Variants in MND1 observed in about 807,000 individuals in gnomAD.
MND1 encodes the protein meiotic nuclear division protein 1 homolog.
A neutral mutation model predicts 35.1 loss-of-function variants in MND1; 28 were observed. That is an observed-to-expected ratio of 0.80 (90% CI 0.59 to 1.09). MND1 has a LOEUF of 1.09. Among genes scored for constraint, MND1 ranks in the 50% least tolerant of loss-of-function variants. The probability of loss-of-function intolerance (pLI) is 0.00; values close to 1 mark genes in which losing one functional copy is unlikely to be tolerated. For synonymous variants in MND1, 69 were observed against 70.5 expected (o/e 0.98, Z 0.11); for missense variants, 213 against 239.6 (o/e 0.89, Z 0.73).
intron 2 of MND1, among the ~76,000 whole-genome samples, chr4:153,351,061 A>T (rs1773206632): frequency 1.3e-5 from 2 of 152,020 alleles, no homozygotes. Flanking sequence ...TATTATGATG[A>T]TGATATGGTT....
rs34815482 is a variant in MND1, at chr4:153,399,890, A to AT, written c.466+2585dup. On this transcript the variant is annotated intron_variant, in intron 6 of 7. Transcript: ENST00000240488. ...TGAAATTTTCTGTTTTTTCAGTGAG[A>AT]TTTTTTTTTTTTTTTTTTTTTTTTT... Among the ~76,000 whole-genome samples, 39 of 71,144 alleles carry AT rather than the reference A, an allele frequency of 5.5e-4. 4 individuals are homozygous for AT. Among genetic ancestry groups the AT allele is most frequent in the South Asian group, 2.0e-3 (4 of 1,996 alleles). The allele number at this position is 71,144 out of a possible 152,430, so 46.7% of individuals were successfully genotyped here. A position where few individuals can be genotyped will look rare whatever the true frequency, so the allele number is the denominator to read the frequency against.
chr4:153,385,249 A>C (rs955770288), intron 4 of MND1, among the ~76,000 whole-genome samples: 1 of 152,214 alleles, frequency 6.6e-6, no homozygotes, highest in African/African-American at 2.4e-5. Context: ...TTTAAATTTG[A>C]TATCTCCCGA....
intron 6 of MND1, among the ~76,000 whole-genome samples, chr4:153,403,723 C>T (rs1209233367): frequency 6.6e-6 from 1 of 151,998 alleles, no homozygotes; most frequent in African/African-American, 2.4e-5. Flanking sequence ...GCCTCAGCCT[C>T]CCAAGTAGCT....
intron 2 of MND1, 34 bp from the exon 3 acceptor site, chr4:153,355,620 G>T (rs73854672): frequency 7.4e-7 from 1 of 1,359,128 alleles, no homozygotes; most frequent in South Asian, 1.2e-5. Context: ...AAATAAACAC[G>T]TGCTTTTCAT....
At chr4:153,381,819 TC>T (rs1561068760) in intron 4 of MND1, 2 of 148,150 alleles carry the variant, frequency 1.3e-5, no homozygotes, top group African/African-American at 5.0e-5. Context: ...TTTTACCTGT[TC>T]CGTTTCCTAC....
chr4:153,413,984 C>A (rs1729763538), intron 7 of MND1, among the ~76,000 whole-genome samples: 2 of 152,110 alleles, frequency 1.3e-5, no homozygotes, highest in Non-Finnish European at 2.9e-5. Flanking sequence ...TGTTCTTAGT[C>A]TTAAGAGAAC....
chr4:153,374,421 A>G (rs1317277411), intron 4 of MND1, among the ~76,000 whole-genome samples: 1 of 152,202 alleles, frequency 6.6e-6, no homozygotes, highest in African/African-American at 2.4e-5. Context: ...AATACATGCC[A>G]GACTGCCTAA....
chr4:153,396,120 A>G (rs1729191113), intron 5 of MND1, among the ~76,000 whole-genome samples: 1 of 152,224 alleles, frequency 6.6e-6, no homozygotes, highest in Non-Finnish European at 1.5e-5. Context: ...AGCTGTGCTA[A>G]TACGATATAC....
intron 1 of MND1, among the ~76,000 whole-genome samples, chr4:153,346,113 G>A (rs74331438): frequency 0.029 from 4,420 of 152,276 alleles, 99 homozygotes; most frequent in South Asian, 0.13. Flanking sequence ...AATAAATTTA[G>A]TGTTGGTCAA....
At chr4:153,350,208 T>A (rs1228623467) in intron 2 of MND1, 79 bp downstream of exon 2, 2 of 1,018,400 alleles carry the variant, frequency 2.0e-6, no homozygotes, top group Admixed American at 2.1e-5. Flanking sequence ...AACTGTCCCC[T>A]CTTTGTTAAA....
At chr4:153,393,244 A>T (rs187237590) in intron 4 of MND1, among the ~76,000 whole-genome samples, 1,731 of 152,304 alleles carry the variant, frequency 0.011, 23 homozygotes, top group Non-Finnish European at 0.019. Context: ...ATAAGTGACA[A>T]ATTTATTATT....
intron 4 of MND1, among the ~76,000 whole-genome samples, chr4:153,386,352 C>G (rs1728864528): frequency 6.6e-6 from 1 of 151,450 alleles, no homozygotes; most frequent in Non-Finnish European, 1.5e-5. Flanking sequence ...ATTTAATTAG[C>G]CGGGTATGAT....
chr4:153,357,115 G>A (rs1773365710), intron 3 of MND1, among the ~76,000 whole-genome samples: 1 of 152,132 alleles, frequency 6.6e-6, no homozygotes, highest in Non-Finnish European at 1.5e-5. Context: ...GAGCCACCAT[G>A]CATATTTTAT....
chr4:153,368,435 C>A (rs1233014878), intron 4 of MND1, among the ~76,000 whole-genome samples: 2 of 152,162 alleles, frequency 1.3e-5, no homozygotes, highest in Non-Finnish European at 2.9e-5. Flanking sequence ...GTGTGTCTTA[C>A]TAAAAAATAC....
chr4:153,363,717 C>T (rs965322415), intron 4 of MND1, among the ~76,000 whole-genome samples: 1 of 152,076 alleles, frequency 6.6e-6, no homozygotes, highest in African/African-American at 2.4e-5. Flanking sequence ...GTGGCATGAT[C>T]AGGAGTTCGG....
intron 1 of MND1, among the ~76,000 whole-genome samples, chr4:153,344,964 G>A (rs13137146): frequency 0.22 from 33,212 of 152,140 alleles, 3,683 homozygotes; most frequent in South Asian, 0.26. Flanking sequence ...GTCCCGAGGC[G>A]CGGGGGCATC....
intron 4 of MND1, among the ~76,000 whole-genome samples, chr4:153,391,545 G>A (rs1729033306): frequency 1.3e-5 from 2 of 151,792 alleles, no homozygotes; most frequent in Admixed American, 6.6e-5. Flanking sequence ...GACCAACATG[G>A]CGAAACCCCA....
chr4:153,401,925 C>G (rs2149656557), intron 6 of MND1, among the ~76,000 whole-genome samples: 1 of 152,258 alleles, frequency 6.6e-6, no homozygotes, highest in African/African-American at 2.4e-5. Flanking sequence ...GAGGCAGAGG[C>G]AGGCGGATCA....
chr4:153,392,739 C>T (rs545928099), intron 4 of MND1, among the ~76,000 whole-genome samples: 1 of 152,262 alleles, frequency 6.6e-6, no homozygotes, highest in Non-Finnish European at 1.5e-5. Flanking sequence ...CTATAGTCTC[C>T]TTATGCTAGT....
Sources: gnomAD v4.1 joint callset for allele counts (sites outside exome capture counted in the v4.1 genomes callset) on GRCh38, gnomAD v4.1.1 for gene constraint, MANE v1.5 for transcripts, NCBI Gene and HGNC (gene_info 2026-07-23, HGNC 2026-07-21) for gene names.